Variants in GPC5 observed in about 807,000 individuals in gnomAD.
The protein encoded by GPC5 is glypican-5.
GPC5 carries 47 observed loss-of-function variants against 53.9 expected under a neutral mutation model. The observed-to-expected ratio is 0.87, with a 90% confidence interval of 0.69 to 1.11. The LOEUF is 1.11. GPC5 is among the 50% of genes most tolerant of loss of function. The probability of loss-of-function intolerance (pLI) is 0.00; values close to 1 mark genes in which losing one functional copy is unlikely to be tolerated. For missense variants in GPC5, 748 were observed against 713.1 expected (o/e 1.05, Z -0.56); for synonymous variants, 286 against 263.3 (o/e 1.09, Z -0.84).
rs552937809 is a variant in GPC5 at position 92,075,357 on chromosome 13, A to T, written c.1402-69473A>T. Among the ~76,000 whole-genome samples, 3 of 152,346 alleles carry T rather than the reference A, an allele frequency of 2.0e-5. No homozygotes were observed. The South Asian group carries it at 6.2e-4, about 32-fold the overall frequency. On this transcript the variant is annotated intron_variant, in intron 6 of 7. Coordinates refer to ENST00000377067, the MANE Select transcript of GPC5 (RefSeq NM_004466.6). The stretch of plus-strand genomic sequence containing the variant: ...TTAGAGAGGTACTCTAACATTAGCA[A>T]CAAAACAGCATTTGAAGTTCATGAC...
rs561848113 is a variant in GPC5 at position 92,130,616 on chromosome 13, G to T, written c.1402-14214G>T. On this transcript the variant is annotated intron_variant, in intron 6 of 7. Coordinates refer to ENST00000377067, the MANE Select transcript of GPC5 (RefSeq NM_004466.6). ...TTGACACAAAAATCTGAAAGATGTT[G>T]TAAGAAAAGTAATTTATAAGGAATA... 8.1e-4 allele frequency among the ~76,000 whole-genome samples: 124 copies of T among 152,166 alleles called. 1 individual carries two copies. The highest frequency in any genetic ancestry group is 2.7e-3 in the African/African-American group (114 of 41,574).
intron 2 of GPC5, among the ~76,000 whole-genome samples, chr13:91,478,166 T>A (rs904311168): frequency 2.6e-5 from 4 of 151,960 alleles, no homozygotes; most frequent in African/African-American, 9.7e-5. Flanking sequence ...CATAAAACTT[T>A]AAAAAAAAGT....
At chr13:92,429,554 A>G (rs1566586795) in intron 7 of GPC5, among the ~76,000 whole-genome samples, 1 of 151,964 alleles carries the variant, frequency 6.6e-6, no homozygotes, top group Non-Finnish European at 1.5e-5. Context: ...ACTTGTCCCC[A>G]ATGGGAAATG....
chr13:92,385,519 CAT>C (rs1481687635), intron 7 of GPC5, among the ~76,000 whole-genome samples: 1 of 74,182 alleles, frequency 1.3e-5, no homozygotes, highest in Non-Finnish European at 2.3e-5. Flanking sequence ...TATATACATA[CAT>C]ATGCATATAT....
intron 7 of GPC5, among the ~76,000 whole-genome samples, chr13:92,749,141 A>C (rs1396418498): frequency 6.6e-6 from 1 of 152,196 alleles, no homozygotes; most frequent in Admixed American, 6.5e-5. Flanking sequence ...TAATGTACTT[A>C]GTGGATTTTT....
chr13:91,575,811 C>T (rs181662394), intron 2 of GPC5, among the ~76,000 whole-genome samples: 1 of 152,154 alleles, frequency 6.6e-6, no homozygotes, highest in Non-Finnish European at 1.5e-5. Context: ...TAGGAGTATA[C>T]TTATAAGTAA....
intron 7 of GPC5, among the ~76,000 whole-genome samples, chr13:92,189,589 GCA>G (rs149810745): frequency 6.0e-5 from 9 of 150,504 alleles, no homozygotes; most frequent in South Asian, 2.1e-4. Context: ...CCATACACGT[GCA>G]CACACACACA....
chr13:92,192,028 G>T (rs2042226143), intron 7 of GPC5, among the ~76,000 whole-genome samples: 1 of 152,132 alleles, frequency 6.6e-6, no homozygotes, highest in Non-Finnish European at 1.5e-5. Flanking sequence ...TAATATTCTG[G>T]AAAAGGAAAA....
chr13:92,281,502 G>A (rs1195792572), intron 7 of GPC5, among the ~76,000 whole-genome samples: 1 of 152,164 alleles, frequency 6.6e-6, no homozygotes, highest in Non-Finnish European at 1.5e-5. Flanking sequence ...CACCCCAGTA[G>A]GGGGAGACTG....
chr13:91,432,333 G>A (rs990293167), intron 1 of GPC5, among the ~76,000 whole-genome samples: 1 of 151,962 alleles, frequency 6.6e-6, no homozygotes, highest in Admixed American at 6.6e-5. Context: ...CTTCAAGTTT[G>A]AGAAGATATT....
intron 7 of GPC5, among the ~76,000 whole-genome samples, chr13:92,849,104 C>T (rs1878706760): frequency 6.7e-6 from 1 of 149,834 alleles, no homozygotes; most frequent in Non-Finnish European, 1.5e-5. Flanking sequence ...GTTACATAGT[C>T]CCATCTAAAT....
At chr13:92,449,066 A>G (rs1327113261) in intron 7 of GPC5, 1 of 151,358 alleles carries the variant, frequency 6.6e-6, no homozygotes, top group Non-Finnish European at 1.5e-5. Context: ...GACTCTCTTT[A>G]CAACCATTTT....
intron 6 of GPC5, among the ~76,000 whole-genome samples, chr13:92,080,544 A>G (rs957259836): frequency 6.6e-5 from 10 of 152,104 alleles, no homozygotes; most frequent in African/African-American, 2.2e-4. Flanking sequence ...CATATCACTT[A>G]TATTTGAACA....
intron 7 of GPC5, among the ~76,000 whole-genome samples, chr13:92,193,101 G>T (rs891873209): frequency 6.6e-6 from 1 of 152,128 alleles, no homozygotes; most frequent in Admixed American, 6.5e-5. Flanking sequence ...CTTAAACCAG[G>T]ATGCTGGAGG....
intron 7 of GPC5, among the ~76,000 whole-genome samples, chr13:92,294,373 C>A (rs1229932511): frequency 6.6e-6 from 1 of 152,084 alleles, no homozygotes; most frequent in Non-Finnish European, 1.5e-5. Flanking sequence ...ATTTCAATCT[C>A]TCTGCTTGTT....
chr13:91,738,644 C>T lies in GPC5; in HGVS notation c.1154+9979C>T, dbSNP rs1378057617. On this transcript the variant is annotated intron_variant, in intron 4 of 7. Coordinates refer to ENST00000377067, the MANE Select transcript of GPC5 (RefSeq NM_004466.6). Reference sequence around the variant, plus strand: ...TTTAACAAATATTTATTATTTTTATCCTTTTATAACTTTTTAAATTTGTAT... The same window carrying T: ...TTTAACAAATATTTATTATTTTTATTCTTTTATAACTTTTTAAATTTGTAT... Among the ~76,000 whole-genome samples, 3 of 150,850 alleles carry T rather than the reference C, an allele frequency of 2.0e-5. No individual in the cohort carries two copies. In the East Asian group the frequency reaches 5.8e-4, roughly 29 times the overall value.
intron 7 of GPC5, among the ~76,000 whole-genome samples, chr13:92,840,842 G>C (rs1487879933): frequency 6.6e-6 from 1 of 151,962 alleles, no homozygotes; most frequent in Non-Finnish European, 1.5e-5. Flanking sequence ...TTATTCCTAA[G>C]TATTTTATTC....
Position 91,399,269 on chromosome 13 carries a change from C to T in GPC5, c.163+60C>T, listed in dbSNP as rs551755284. 1.4e-5 allele frequency: 22 copies of T among 1,562,948 alleles called. No individual in the cohort carries two copies. The African/African-American group carries it at 3.0e-4, about 21-fold the overall frequency. ...CGTCCGAGCCCGGCCTTCGCTCCCC[C>T]AGGCTCCCTTGGTGGCACTCGTGGG... On this transcript the variant is annotated intron_variant, in intron 1 of 7. Transcript: ENST00000377067.
chr13:92,092,629 C>T (rs549832910), intron 6 of GPC5, among the ~76,000 whole-genome samples: 2 of 152,164 alleles, frequency 1.3e-5, no homozygotes, highest in South Asian at 2.1e-4. Flanking sequence ...TAAGTTTTTA[C>T]ACATGAGGTT....
Sources: gnomAD v4.1 joint callset for allele counts (sites outside exome capture counted in the v4.1 genomes callset) on GRCh38, gnomAD v4.1.1 for gene constraint, MANE v1.5 for transcripts, NCBI Gene and HGNC (gene_info 2026-07-23, HGNC 2026-07-21) for gene names.